Variants in USH2A observed in about 807,000 individuals in gnomAD.
USH2A encodes usherin.
A neutral mutation model predicts 538.9 loss-of-function variants in USH2A; 443 were observed. That is an observed-to-expected ratio of 0.82 (90% CI 0.76 to 0.89). USH2A has a LOEUF of 0.89. Among genes scored for constraint, USH2A ranks in the 40% least tolerant of loss-of-function variants. The pLI, the probability that USH2A is intolerant of heterozygous loss-of-function variation, is 0.00. For synonymous variants in USH2A, 2,413 were observed against 2,273.5 expected, an observed-to-expected ratio of 1.06 and a Z score of -1.75; for missense variants, 6,633 against 6,324.8, an observed-to-expected ratio of 1.05 and a Z score of -1.65.
intron 37 of USH2A, among the ~76,000 whole-genome samples, chr1:215,960,158 T>G (rs574240711): frequency 1.6e-3 from 247 of 152,234 alleles, no homozygotes; most frequent in African/African-American, 5.8e-3. Context: ...TTAGGTTGTT[T>G]TATATTTGTA....
intron 4 of USH2A, among the ~76,000 whole-genome samples, chr1:216,359,287 A>T (rs1156606637): frequency 2.0e-5 from 3 of 152,106 alleles, no homozygotes; most frequent in Non-Finnish European, 1.5e-5. Flanking sequence ...CACAATAAGA[A>T]AATTGATGTT....
intron 61 of USH2A, among the ~76,000 whole-genome samples, chr1:215,726,151 C>T (rs72740624): frequency 0.024 from 3,710 of 152,202 alleles, 62 homozygotes; most frequent in Middle Eastern, 0.044. Context: ...TTTCAGTATA[C>T]TCATAAACGT....
intron 14 of USH2A, among the ~76,000 whole-genome samples, chr1:216,222,890 A>C (rs2102505121): frequency 6.6e-6 from 1 of 151,922 alleles, no homozygotes; most frequent in Middle Eastern, 3.4e-3. Context: ...AGGCAGGAGA[A>C]TCATTTGAAC....
chr1:215,900,729 T>C lies in USH2A; in HGVS notation c.7451+26A>G, dbSNP rs757603003. On this transcript the variant is annotated intron_variant, in intron 39 of 71. Coordinates refer to ENST00000307340, the MANE Select transcript of USH2A (RefSeq NM_206933.4). The stretch of plus-strand genomic sequence containing the variant: ...TGTCTATATTGTATAACCCAGCTGA[T>C]AGAATGGACAAAGTAGAATGCTCAC... The C allele has an allele frequency of 3.1e-5, 50 of 1,613,262 alleles. 2 individuals are homozygous for C. Among genetic ancestry groups the C allele is most frequent in the Middle Eastern group, 3.3e-4 (2 of 6,068 alleles).
chr1:216,288,368 G>A (rs1362712543), intron 11 of USH2A, among the ~76,000 whole-genome samples: 1 of 151,792 alleles, frequency 6.6e-6, no homozygotes, highest in Non-Finnish European at 1.5e-5. Context: ...ACACATGATG[G>A]TTACTCTGAA....
At chr1:216,291,915 T>TAA (rs1177655089) in intron 10 of USH2A, among the ~76,000 whole-genome samples, 1 of 152,078 alleles carries the variant, frequency 6.6e-6, no homozygotes, top group African/African-American at 2.4e-5. Flanking sequence ...GTGAACTCTT[T>TAA]AAAAAACAAA....
At chr1:215,635,416 G>A (rs1433565625) in intron 69 of USH2A, among the ~76,000 whole-genome samples, 2 of 152,126 alleles carry the variant, frequency 1.3e-5, no homozygotes, top group Non-Finnish European at 2.9e-5. Context: ...CAGTTGGTGT[G>A]AGTCTCTGCA....
At chr1:216,360,645 G>A (rs1393803262) in intron 4 of USH2A, among the ~76,000 whole-genome samples, 1 of 151,982 alleles carries the variant, frequency 6.6e-6, no homozygotes, top group African/African-American at 2.4e-5. Flanking sequence ...GGAGCAGAGA[G>A]TATACTGGAA....
chr1:216,242,011 C>T (rs1452164527), intron 13 of USH2A, among the ~76,000 whole-genome samples: 4 of 152,010 alleles, frequency 2.6e-5, no homozygotes, highest in Non-Finnish European at 4.4e-5. Context: ...TTTACTTGTG[C>T]AAATGTCTTA....
intron 11 of USH2A, among the ~76,000 whole-genome samples, chr1:216,273,482 G>GA (rs915567587): frequency 3.3e-5 from 5 of 150,752 alleles, no homozygotes; most frequent in East Asian, 1.9e-4. Context: ...CATTGGCAAT[G>GA]AAAAAAAAAC....
chr1:215,669,357 G>A (rs1009039560), intron 64 of USH2A, among the ~76,000 whole-genome samples: 3 of 152,182 alleles, frequency 2.0e-5, no homozygotes, highest in Non-Finnish European at 4.4e-5. Flanking sequence ...ACAGTGTTAC[G>A]TTTCCGATGG....
At chr1:216,036,635 C>T (rs1268612956) in intron 32 of USH2A, among the ~76,000 whole-genome samples, 5 of 152,086 alleles carry the variant, frequency 3.3e-5, no homozygotes, top group Admixed American at 1.3e-4. Context: ...CTAGTGTACA[C>T]GGGTCAGTGA....
At chr1:215,805,284 T>TA (rs56372570) in intron 49 of USH2A, among the ~76,000 whole-genome samples, 98 of 149,814 alleles carry the variant, frequency 6.5e-4, no homozygotes, top group African/African-American at 1.9e-3. Flanking sequence ...TAAAGTATAA[T>TA]AAAAAAAAAA....
chr1:215,783,386 T>C lies in USH2A; in HGVS notation c.10388-451A>G, dbSNP rs1661704544. Among the ~76,000 whole-genome samples, 5 of 152,210 alleles carry C rather than the reference T, an allele frequency of 3.3e-5. No individual in the cohort carries two copies. The South Asian group carries it at 8.3e-4, about 25-fold the overall frequency. Reference sequence around the variant, plus strand: ...AAATTTTAAATCATATGGATTATAATGTTGTTACAATATACAGGATTTGAA... The same window carrying C: ...AAATTTTAAATCATATGGATTATAACGTTGTTACAATATACAGGATTTGAA... On this transcript the variant is annotated intron_variant, in intron 52 of 71. Coordinates refer to ENST00000307340, the MANE Select transcript of USH2A (RefSeq NM_206933.4).
At chr1:215,915,087 C>T (rs575944682) in intron 38 of USH2A, among the ~76,000 whole-genome samples, 50 of 152,134 alleles carry the variant, frequency 3.3e-4, no homozygotes, top group Non-Finnish European at 4.4e-4. Flanking sequence ...TCCTAATAGT[C>T]CTAGGTGTGA....
intron 13 of USH2A, 77 bp from the exon 14 acceptor site, chr1:216,232,213 C>T: frequency 6.9e-7 from 1 of 1,444,224 alleles, no homozygotes; most frequent in Non-Finnish European, 9.4e-7. Context: ...ATTGATTACA[C>T]AGAAAAACAG....
Position 215,625,852 on chromosome 1 carries a change from G to A in USH2A, c.15538C>T (p.Leu5180=). ...NSGLYVDEED[L]MNAIKDFSSV... ...CTGAAATCCTTGATGGCGTTCATCA[G>A]GTCCTCTTCATCCACATACTGAAAA... The change falls in exon 72 of 72, where the codon CTG becomes TTG. Residue 5180 remains leucine, a synonymous_variant. Coordinates refer to ENST00000307340, the MANE Select transcript of USH2A (RefSeq NM_206933.4). 6.2e-7 allele frequency: 1 copy of A among 1,614,006 alleles called. No homozygotes were observed. The highest frequency in any genetic ancestry group is 8.5e-7 in the Non-Finnish European group (1 of 1,179,946).
intron 47 of USH2A, among the ~76,000 whole-genome samples, chr1:215,832,407 C>T (rs1291048541): frequency 6.6e-6 from 1 of 151,732 alleles, no homozygotes; most frequent in Non-Finnish European, 1.5e-5. Context: ...TATTGCATCC[C>T]CCAATATATG....
chr1:216,324,198 G>A lies in USH2A; in HGVS notation c.1298C>T (p.Pro433Leu). 1 of 1,613,056 alleles carries A rather than the reference G, an allele frequency of 6.2e-7. No individual in the cohort carries two copies. Among genetic ancestry groups the A allele is most frequent in the Non-Finnish European group, 8.5e-7 (1 of 1,179,574 alleles). ...AAGCTGAAGACAGTTGACAGAATCA[G>A]GTTTTTCCAAATCTCCATTGTTTTT... The part of the protein sequence containing the change: ...GMKNNGDLEK[P>L]DSVNCLQLSN... The change falls in exon 7 of 72, where the codon CCT (proline) becomes CTT (leucine). Residue 433 changes from proline (P) to leucine (L), a missense_variant. Transcript: ENST00000307340.
Sources: gnomAD v4.1 joint callset for allele counts (sites outside exome capture counted in the v4.1 genomes callset) on GRCh38, gnomAD v4.1.1 for gene constraint, MANE v1.5 for transcripts, NCBI Gene and HGNC (gene_info 2026-07-23, HGNC 2026-07-21) for gene names.